Variants in KIF16B observed in about 807,000 individuals in gnomAD.
The protein encoded by KIF16B is kinesin-like protein KIF16B.
A neutral mutation model predicts 156.3 loss-of-function variants in KIF16B; 98 were observed. That is an observed-to-expected ratio of 0.63 (90% CI 0.53 to 0.74). The LOEUF is 0.74. Ranked by LOEUF, KIF16B falls within the 30% of genes least tolerant of loss-of-function variation. KIF16B has a pLI of 0.00. For missense variants in KIF16B, 1,421 were observed against 1,606.5 expected (o/e 0.88, Z 1.97); for synonymous variants, 564 against 583.7 (o/e 0.97, Z 0.49).
At chr20:16,345,262 T>A (rs1394510422) in intron 23 of KIF16B, among the ~76,000 whole-genome samples, 3 of 152,250 alleles carry the variant, frequency 2.0e-5, no homozygotes, top group East Asian at 1.9e-4. Flanking sequence ...TAGTTATTCA[T>A]CTTTTCTGTT....
chr20:16,543,462 A>G (rs764388065), intron 1 of KIF16B, among the ~76,000 whole-genome samples: 2 of 152,194 alleles, frequency 1.3e-5, no homozygotes, highest in Non-Finnish European at 2.9e-5. Context: ...TATAACTAGA[A>G]TTATTCCAGA....
chr20:16,501,473 C>G lies in KIF16B; in HGVS notation c.1176+2899G>C, dbSNP rs143598174. Among the ~76,000 whole-genome samples the G allele has an allele frequency of 6.6e-5, 10 of 152,148 alleles. No homozygotes were observed. The East Asian group carries it at 1.9e-3, about 29-fold the overall frequency. On this transcript the variant is annotated intron_variant, in intron 10 of 25. Coordinates refer to ENST00000354981, the MANE Select transcript of KIF16B (RefSeq NM_024704.5). ...TCTACTAAAACTGAACATATGTACT[C>G]CTCTGACTCACCAATTCCACTTGTA...
chr20:16,544,623 A>AC (rs2070334680), intron 1 of KIF16B, among the ~76,000 whole-genome samples: 2 of 151,002 alleles, frequency 1.3e-5, no homozygotes, highest in African/African-American at 4.9e-5. Context: ...AAAAAAAAAA[A>AC]AAAAAAAACT....
At chr20:16,324,711 T>C (rs1286344698) in intron 24 of KIF16B, among the ~76,000 whole-genome samples, 1 of 151,982 alleles carries the variant, frequency 6.6e-6, no homozygotes, top group Non-Finnish European at 1.5e-5. Flanking sequence ...CTGAATTCTA[T>C]CAGACATTCA....
chr20:16,378,723 A>T, intron 19 of KIF16B, 82 bp downstream of exon 19: 1 of 1,294,380 alleles, frequency 7.7e-7, no homozygotes, highest in Non-Finnish European at 1.1e-6. Flanking sequence ...AAAAAAAAAA[A>T]GGATAAACAC....
chr20:16,409,970 CATATATATATAT>C (rs138849281), intron 15 of KIF16B, among the ~76,000 whole-genome samples: 505 of 42,630 alleles, frequency 0.012, 86 homozygotes, highest in East Asian at 0.054. Flanking sequence ...TATATATATA[CATATATATATAT>C]ATATATATAT....
At chr20:16,522,681 C>T (rs1330422353) in intron 3 of KIF16B, among the ~76,000 whole-genome samples, 4 of 152,166 alleles carry the variant, frequency 2.6e-5, no homozygotes, top group Non-Finnish European at 4.4e-5. Flanking sequence ...TAATAGATAG[C>T]TATAGAACTC....
intron 1 of KIF16B, among the ~76,000 whole-genome samples, chr20:16,529,819 C>T (rs930559046): frequency 1.5e-4 from 23 of 152,076 alleles, no homozygotes; most frequent in Admixed American, 1.4e-3. Flanking sequence ...GCCATGGTGG[C>T]GCATGCCTGT....
At chr20:16,527,579 T>TTTTG (rs748642824) in intron 2 of KIF16B, among the ~76,000 whole-genome samples, 16 of 152,186 alleles carry the variant, frequency 1.1e-4, no homozygotes, top group Admixed American at 1.0e-3. Flanking sequence ...GTTGTTGTTT[T>TTTTG]TTTGTTTGTT....
chr20:16,557,112 A>G (rs1010568294), intron 1 of KIF16B, among the ~76,000 whole-genome samples: 3 of 148,698 alleles, frequency 2.0e-5, no homozygotes, highest in Non-Finnish European at 4.5e-5. Flanking sequence ...AATATTAATC[A>G]TTAATATTAA....
intron 24 of KIF16B, among the ~76,000 whole-genome samples, chr20:16,322,111 T>A (rs1029448581): frequency 2.0e-5 from 3 of 151,940 alleles, no homozygotes; most frequent in Non-Finnish European, 2.9e-5. Context: ...AAGAAAAGCA[T>A]AATGGCAAGC....
chr20:16,348,633 T>C (rs902374634), intron 23 of KIF16B, among the ~76,000 whole-genome samples: 17 of 152,158 alleles, frequency 1.1e-4, no homozygotes, highest in African/African-American at 4.1e-4. Flanking sequence ...AATTGTGCTA[T>C]AGAGGATGGA....
chr20:16,316,479 G>A (rs965440181), intron 24 of KIF16B, among the ~76,000 whole-genome samples: 1 of 152,132 alleles, frequency 6.6e-6, no homozygotes, highest in Non-Finnish European at 1.5e-5. Context: ...ACATTCCTAA[G>A]TCCATCTTCC....
intron 22 of KIF16B, among the ~76,000 whole-genome samples, chr20:16,364,852 G>C (rs1471823170): frequency 6.6e-6 from 1 of 152,162 alleles, no homozygotes; most frequent in East Asian, 1.9e-4. Flanking sequence ...GTTATAATGA[G>C]TGATATGATT....
At chr20:16,304,510 T>C (rs1450601777) in intron 25 of KIF16B, among the ~76,000 whole-genome samples, 3 of 152,078 alleles carry the variant, frequency 2.0e-5, no homozygotes, top group Non-Finnish European at 2.9e-5. Flanking sequence ...CTGATGATAG[T>C]GGTAATGGAC....
At chr20:16,491,545 T>C (rs1161750738) in intron 12 of KIF16B, among the ~76,000 whole-genome samples, 1 of 152,214 alleles carries the variant, frequency 6.6e-6, no homozygotes, top group African/African-American at 2.4e-5. Flanking sequence ...AACTTAATGA[T>C]GTCTTCCTCT....
At chr20:16,381,204 C>A (rs2065085317) in intron 18 of KIF16B, among the ~76,000 whole-genome samples, 2 of 152,104 alleles carry the variant, frequency 1.3e-5, no homozygotes, top group African/African-American at 2.4e-5. Flanking sequence ...ACCCTGCCCC[C>A]CCATACACAA....
rs1180866091 is a variant in KIF16B, at chr20:16,511,469, T to C, written c.505A>G (p.Thr169Ala). 6.2e-7 allele frequency: 1 copy of C among 1,612,670 alleles called. No individual in the cohort carries two copies. The highest frequency in any genetic ancestry group is 1.7e-5 in the Admixed American group (1 of 59,964). ...RDLLRRKSSKTFNLRVREHPK... is the reference protein window; with the variant it reads ...RDLLRRKSSKAFNLRVREHPK... Reference sequence around the variant, plus strand: ...TGCTCACGGACTCTCAAATTGAAGGTTTTAGATGACTTCCGCCGAAGTAGA... The same window carrying C: ...TGCTCACGGACTCTCAAATTGAAGGCTTTAGATGACTTCCGCCGAAGTAGA... The change falls in exon 6 of 26, where the codon ACC becomes GCC. Residue 169 changes from threonine (T) to alanine (A), a missense_variant. Physicochemically the swap from Thr to Ala is moderately conservative, Grantham distance 58. Transcript: ENST00000354981.
At chr20:16,542,331 G>A (rs2070235989) in intron 1 of KIF16B, among the ~76,000 whole-genome samples, 1 of 152,086 alleles carries the variant, frequency 6.6e-6, no homozygotes, top group Non-Finnish European at 1.5e-5. Context: ...TAAATATTTA[G>A]TGAGAATTAA....
Sources: allele counts gnomAD v4.1 joint callset (sites outside exome capture counted in the v4.1 genomes callset), GRCh38; gene constraint gnomAD v4.1.1; transcripts MANE v1.5; gene names NCBI Gene and HGNC (gene_info 2026-07-23, HGNC 2026-07-21).